GATAD1: variants seen among roughly 807,000 people sequenced by gnomAD.
The protein encoded by GATAD1 is GATA zinc finger domain-containing protein 1.
Under a neutral mutation model 26.5 loss-of-function variants are expected in GATAD1, and 12 were observed. The observed-to-expected ratio is 0.45, with a 90% CI of 0.29 to 0.73. GATAD1 has a LOEUF of 0.73. Ranked by LOEUF, GATAD1 falls within the 30% of genes least tolerant of loss-of-function variation. The pLI is 0.10. For missense variants in GATAD1, 266 were observed against 342.1 expected (o/e 0.78, Z 1.75); for synonymous variants, 129 against 133.1 (o/e 0.97, Z 0.21).
chr7:92,478,917 C>T, the GATAD1 span, among the ~76,000 whole-genome samples: 3 of 152,198 alleles, frequency 2.0e-5, no homozygotes, highest in Admixed American at 1.3e-4. Flanking sequence ...TGGCAACCCA[C>T]ATTTGCATAT....
chr7:92,465,430 C>G, the GATAD1 span, among the ~76,000 whole-genome samples: 1 of 151,788 alleles, frequency 6.6e-6, no homozygotes, highest in African/African-American at 2.4e-5. Context: ...CCAGCCTGGC[C>G]AACATGGTGA....
chr7:92,484,669 G>A, the GATAD1 span, among the ~76,000 whole-genome samples: 1 of 152,200 alleles, frequency 6.6e-6, no homozygotes, highest in Non-Finnish European at 1.5e-5. Context: ...AGCAAGAGAG[G>A]CTGGAGAAGA....
the GATAD1 span, among the ~76,000 whole-genome samples, chr7:92,481,608 C>T: frequency 1.3e-5 from 2 of 152,150 alleles, no homozygotes; most frequent in Non-Finnish European, 2.9e-5. Flanking sequence ...CCCTGCACTT[C>T]GGCTGTGTGT....
At chr7:92,448,358 T>G (rs1225480145) in intron 1 of GATAD1, among the ~76,000 whole-genome samples, 1 of 152,242 alleles carries the variant, frequency 6.6e-6, no homozygotes. Flanking sequence ...AAGTATTCCG[T>G]TGCAGGGGGC....
the GATAD1 span, chr7:92,491,720 A>G: frequency 6.0e-6 from 3 of 498,804 alleles, no homozygotes; most frequent in African/African-American, 3.9e-5. Context: ...TTTACCAACC[A>G]TCCCCCAAGA....
chr7:92,447,675 A>G lies in GATAD1; in HGVS notation c.-55A>G. The G allele has an allele frequency of 7.3e-7, 1 of 1,366,002 alleles. No individual in the cohort carries two copies. Among genetic ancestry groups the G allele is most frequent in the Non-Finnish European group, 9.5e-7 (1 of 1,057,892 alleles). 84.6% of individuals were successfully genotyped at this position (1,366,002 alleles called of 1,614,324 possible). ...GGGCCGACCAGGGGGCGGCCGGGCT[A>G]CCGTCCGCCATTCCCGTGTCTCTGC... On this transcript the variant is annotated 5_prime_UTR_variant, in exon 1 of 5. Transcript: ENST00000287957.
the GATAD1 span, chr7:92,492,842 A>T: frequency 1.2e-6 from 1 of 833,008 alleles, no homozygotes; most frequent in Non-Finnish European, 2.1e-6. Flanking sequence ...ATGTTTCTAT[A>T]CAGTTTTACC....
chr7:92,489,041 A>C, the GATAD1 span, among the ~76,000 whole-genome samples: 1 of 152,160 alleles, frequency 6.6e-6, no homozygotes. Context: ...GCCCAAAGTT[A>C]CTAAAATTAA....
chr7:92,470,410 C>T, the GATAD1 span: 9 of 667,016 alleles, frequency 1.3e-5, no homozygotes, highest in Non-Finnish European at 2.2e-5. Flanking sequence ...TTACTTTCCT[C>T]CTGGTTGTTG....
chr7:92,465,679 G>C, the GATAD1 span, among the ~76,000 whole-genome samples: 1 of 151,896 alleles, frequency 6.6e-6, no homozygotes, highest in African/African-American at 2.4e-5. Flanking sequence ...TGACAGACTG[G>C]CATGAAGTAA....
the GATAD1 span, among the ~76,000 whole-genome samples, chr7:92,478,934 G>A: frequency 6.4e-4 from 98 of 152,270 alleles, no homozygotes; most frequent in South Asian, 0.012. Flanking sequence ...ATATTAAAGG[G>A]CTGAGGTGGG....
chr7:92,482,687 G>T, the GATAD1 span, among the ~76,000 whole-genome samples: 2 of 152,120 alleles, frequency 1.3e-5, no homozygotes, highest in Non-Finnish European at 2.9e-5. Context: ...TTGGGAAGAA[G>T]GGCGGCAAGG....
the GATAD1 span, among the ~76,000 whole-genome samples, chr7:92,484,018 G>A: frequency 6.6e-6 from 1 of 152,148 alleles, no homozygotes; most frequent in Non-Finnish European, 1.5e-5. Context: ...GCAGAGACTA[G>A]GGAGGGACCA....
Position 92,450,757 on chromosome 7 carries a change from C to T in GATAD1, c.432C>T (p.Tyr144=). The change falls in exon 3 of 5, where the codon TAC becomes TAT. Residue 144 remains tyrosine, a synonymous_variant. Coordinates refer to ENST00000287957, the MANE Select transcript of GATAD1 (RefSeq NM_021167.5). ...TAATCACTGCAGAATCAATCTTCTA[C>T]AAGGTAAGCTTTTGTAGAGTTACTG... ...STIITAESIF[Y]KGVYYQIGDV... is the part of the protein sequence containing the mutation. 1.3e-6 allele frequency: 2 copies of T among 1,598,870 alleles called. No individual in the cohort carries two copies. The highest frequency in any genetic ancestry group is 1.7e-4 in the Middle Eastern group (1 of 6,028).
chr7:92,494,631 T>C, the GATAD1 span: 1 of 1,613,808 alleles, frequency 6.2e-7, no homozygotes, highest in Non-Finnish European at 8.5e-7. Context: ...GCCTGTGCTC[T>C]GGGAAAAACA....
intron 3 of GATAD1, among the ~76,000 whole-genome samples, chr7:92,451,913 C>G (rs1171272395): frequency 6.6e-6 from 1 of 152,182 alleles, no homozygotes; most frequent in Non-Finnish European, 1.5e-5. Context: ...AGTCTCATGC[C>G]AGAGCTTAAG....
At chr7:92,448,034 G>A in intron 1 of GATAD1, 56 bp downstream of exon 1, 1 of 1,177,956 alleles carries the variant, frequency 8.5e-7, no homozygotes, top group East Asian at 3.5e-5. Flanking sequence ...TAGGCGGGCG[G>A]GGACGGGCTG....
chr7:92,472,140 T>C, the GATAD1 span: 6 of 152,260 alleles, frequency 3.9e-5, no homozygotes, highest in East Asian at 5.8e-4. Context: ...TTGACAGTTA[T>C]GTTTTATCTT....
chr7:92,494,561 T>G, the GATAD1 span: 1 of 1,613,844 alleles, frequency 6.2e-7, no homozygotes, highest in Non-Finnish European at 8.5e-7. Flanking sequence ...TGTATTATCA[T>G]GACCCCGCCG....
Sources: allele counts gnomAD v4.1 joint callset (sites outside exome capture counted in the v4.1 genomes callset), GRCh38; gene constraint gnomAD v4.1.1; transcripts MANE v1.5; gene names NCBI Gene and HGNC (gene_info 2026-07-23, HGNC 2026-07-21).